Variants in NAALADL2 observed in about 807,000 individuals in gnomAD.
The protein encoded by NAALADL2 is N-acetylated alpha-linked acidic dipeptidase like 2.
Under a neutral mutation model 87.2 loss-of-function variants are expected in NAALADL2, and 76 were observed. The ratio of observed to expected loss-of-function variants is 0.87; its 90% CI spans 0.72 to 1.05. The LOEUF is 1.05. NAALADL2 is among the 50% of genes least tolerant of loss of function. The pLI is 0.00. For synonymous variants in NAALADL2, 354 were observed against 331.0 expected (o/e 1.07, Z -0.75); for missense variants, 1,089 against 945.8 (o/e 1.15, Z -1.99).
chr3:174,769,265 T>C (rs2109100877), intron 3 of NAALADL2, among the ~76,000 whole-genome samples: 1 of 152,150 alleles, frequency 6.6e-6, no homozygotes, highest in African/African-American at 2.4e-5. Context: ...TTACAGAAAA[T>C]GCAGCCTAAA....
intron 2 of NAALADL2, among the ~76,000 whole-genome samples, chr3:174,555,580 A>C (rs1203645492): frequency 6.6e-6 from 1 of 152,162 alleles, no homozygotes; most frequent in Non-Finnish European, 1.5e-5. Context: ...GATTACAGGC[A>C]TGAGCCTCCG....
intron 3 of NAALADL2, among the ~76,000 whole-genome samples, chr3:174,770,857 A>T (rs1292514318): frequency 6.6e-6 from 1 of 152,112 alleles, no homozygotes; most frequent in African/African-American, 2.4e-5. Flanking sequence ...CAAAAAAAAA[A>T]AAGAAAAAAA....
At chr3:175,597,182 CT>C (rs1224251748) in intron 10 of NAALADL2, among the ~76,000 whole-genome samples, 1 of 152,032 alleles carries the variant, frequency 6.6e-6, no homozygotes, top group Non-Finnish European at 1.5e-5. Flanking sequence ...TACAACATAT[CT>C]GAAATTCAAA....
chr3:175,218,213 C>A, intron 2 of NAALADL2: 2 of 336,694 alleles, frequency 5.9e-6, no homozygotes, highest in South Asian at 2.4e-5. Context: ...ATGTAAATTC[C>A]CAAGAGGAGA....
rs796269729 is a variant in NAALADL2, at chr3:175,808,076, T to A, written c.*4873T>A. 2.2e-4 allele frequency: 33 copies of A among 152,072 alleles called. No homozygotes were observed. The highest frequency in any genetic ancestry group is 7.5e-4 in the African/African-American group (31 of 41,556). The allele number at this position is 152,072 out of a possible 1,614,324, so 9.4% of individuals were successfully genotyped here. Reference sequence around the variant, plus strand: ...GATCTATCAGTCTCAATTTAAATGATCTGTTAATCAGCCAGAGTTTTAGTT... The same window carrying A: ...GATCTATCAGTCTCAATTTAAATGAACTGTTAATCAGCCAGAGTTTTAGTT... On this transcript the variant is annotated 3_prime_UTR_variant, in exon 14 of 14. Transcript: ENST00000454872.
chr3:175,555,593 A>C (rs560337463), intron 9 of NAALADL2, among the ~76,000 whole-genome samples: 1 of 152,290 alleles, frequency 6.6e-6, no homozygotes, highest in Non-Finnish European at 1.5e-5. Context: ...TTTGTTCATA[A>C]GTTATGTTTT....
intron 11 of NAALADL2, among the ~76,000 whole-genome samples, chr3:175,704,310 A>G (rs1388432574): frequency 1.3e-5 from 2 of 152,190 alleles, no homozygotes; most frequent in African/African-American, 2.4e-5. Context: ...AAACGTGGAA[A>G]GCCCTGGAAT....
At chr3:175,171,944 G>T (rs1734902081) in intron 2 of NAALADL2, among the ~76,000 whole-genome samples, 1 of 151,972 alleles carries the variant, frequency 6.6e-6, no homozygotes, top group East Asian at 1.9e-4. Flanking sequence ...AAGAGAGGTT[G>T]GTCAAAGGGT....
rs528318371 is a variant in NAALADL2 at position 175,215,460 on chromosome 3, C to T, written c.546-18471C>T. On this transcript the variant is annotated intron_variant, in intron 2 of 13. Transcript: ENST00000454872. ...AAGGATTAGAAACCTGTGTTGGAGC[C>T]GTGCTTCTTGCTCTCTGATTACCTA... is the stretch of plus-strand genomic sequence containing the variant. Among the ~76,000 whole-genome samples, 6 of 152,232 alleles carry T rather than the reference C, an allele frequency of 3.9e-5. No individual in the cohort carries two copies. In the South Asian group the frequency reaches 8.3e-4, roughly 21 times the overall value.
At chr3:175,336,516 G>A (rs1761983639) in intron 5 of NAALADL2, among the ~76,000 whole-genome samples, 2 of 152,134 alleles carry the variant, frequency 1.3e-5, no homozygotes, top group Non-Finnish European at 2.9e-5. Flanking sequence ...TGTAGCTTAA[G>A]ATGTGTAAAA....
intron 1 of NAALADL2, among the ~76,000 whole-genome samples, chr3:175,087,669 C>T (rs1037274974): frequency 6.6e-6 from 1 of 152,114 alleles, no homozygotes; most frequent in East Asian, 1.9e-4. Flanking sequence ...GGATTAAGGG[C>T]GGTGCAAGAT....
intron 2 of NAALADL2, among the ~76,000 whole-genome samples, chr3:175,204,143 A>G (rs1053745545): frequency 6.6e-6 from 1 of 152,210 alleles, no homozygotes; most frequent in African/African-American, 2.4e-5. Context: ...ACATAAGCAA[A>G]AAAGAAAACT....
chr3:174,987,596 A>C (rs1340857070), intron 1 of NAALADL2, among the ~76,000 whole-genome samples: 2 of 144,158 alleles, frequency 1.4e-5, no homozygotes, highest in African/African-American at 2.6e-5. Context: ...AAAAAAAAAA[A>C]AACAATACTC....
chr3:175,540,079 G>A (rs937582885), intron 9 of NAALADL2, among the ~76,000 whole-genome samples: 9 of 152,134 alleles, frequency 5.9e-5, no homozygotes, highest in African/African-American at 1.2e-4. Context: ...ACGTGTTCCC[G>A]TAATTTTTGA....
intron 3 of NAALADL2, among the ~76,000 whole-genome samples, chr3:174,828,534 G>A (rs541006465): frequency 6.6e-6 from 1 of 152,238 alleles, no homozygotes; most frequent in African/African-American, 2.4e-5. Context: ...ATGGAATAAA[G>A]GCTATGCCTT....
chr3:175,698,407 T>A lies in NAALADL2; in HGVS notation c.1897-38899T>A, dbSNP rs921163000. Among the ~76,000 whole-genome samples, 26 of 57,270 alleles carry A rather than the reference T, an allele frequency of 4.5e-4. 5 individuals carry two copies. The highest frequency in any genetic ancestry group is 3.3e-3 in the African/African-American group (16 of 4,828). The allele number at this position is 57,270 out of a possible 152,430, so 37.6% of individuals were successfully genotyped here. On this transcript the variant is annotated intron_variant, in intron 11 of 13. Coordinates refer to ENST00000454872, the MANE Select transcript of NAALADL2 (RefSeq NM_207015.3). ...TGTATGTATACATATGTATGTGTAT[T>A]TATGTATGTATACATATGTATGTGT...
At chr3:175,465,698 C>T (rs1049340703) in intron 7 of NAALADL2, among the ~76,000 whole-genome samples, 85 of 152,062 alleles carry the variant, frequency 5.6e-4, no homozygotes, top group African/African-American at 2.0e-3. Context: ...GTCTTGAACT[C>T]CTGACCTCGT....
At chr3:174,584,919 A>C (rs16862158) in intron 2 of NAALADL2, among the ~76,000 whole-genome samples, 24,173 of 152,090 alleles carry the variant, frequency 0.16, 2,076 homozygotes, top group Non-Finnish European at 0.18. Flanking sequence ...TTGGTTTTGC[A>C]CTTATCGTTT....
At chr3:174,745,916 G>T (rs141817395) in intron 3 of NAALADL2, among the ~76,000 whole-genome samples, 2,089 of 152,156 alleles carry the variant, frequency 0.014, 12 homozygotes, top group Middle Eastern at 0.02. Flanking sequence ...ACTAGATATT[G>T]GTGGAACATA....
Sources: allele counts gnomAD v4.1 joint callset (sites outside exome capture counted in the v4.1 genomes callset), GRCh38; gene constraint gnomAD v4.1.1; transcripts MANE v1.5; gene names NCBI Gene and HGNC (gene_info 2026-07-23, HGNC 2026-07-21).